PTPRN2: variants seen among roughly 807,000 people sequenced by gnomAD.
PTPRN2 encodes receptor-type tyrosine-protein phosphatase N2.
A neutral mutation model predicts 118.8 loss-of-function variants in PTPRN2; 74 were observed. The ratio of observed to expected loss-of-function variants is 0.62; its 90% CI spans 0.52 to 0.76. The LOEUF (loss-of-function observed/expected upper bound fraction) is 0.76, where lower values mean the gene tolerates loss of function less well. PTPRN2 is among the 30% of genes least tolerant of loss of function. The pLI is 0.00. For synonymous variants in PTPRN2, 641 were observed against 608.0 expected, an observed-to-expected ratio of 1.05 and a Z score of -0.80; for missense variants, 1,481 against 1,394.4, an observed-to-expected ratio of 1.06 and a Z score of -0.99.
chr7:157,722,774 G>C (rs1438456866), intron 12 of PTPRN2, among the ~76,000 whole-genome samples: 1 of 152,100 alleles, frequency 6.6e-6, no homozygotes, highest in East Asian at 1.9e-4. Flanking sequence ...CAGGGGCCCA[G>C]TCTGTCATCC....
At chr7:158,410,418 C>T (rs1263908631) in intron 2 of PTPRN2, among the ~76,000 whole-genome samples, 2 of 152,046 alleles carry the variant, frequency 1.3e-5, no homozygotes, top group Non-Finnish European at 2.9e-5. Context: ...ATCTCCTTCT[C>T]GTGGGATGAA....
chr7:158,125,288 G>A lies in PTPRN2; in HGVS notation c.1556+8389C>T, dbSNP rs370882969. Among the ~76,000 whole-genome samples the A allele has an allele frequency of 2.2e-4, 32 of 144,176 alleles. No homozygotes were observed. In the South Asian group the frequency reaches 5.6e-3, roughly 25 times the overall value. The allele number at this position is 144,176 out of a possible 152,430, so 94.6% of individuals were successfully genotyped here. ...CCTGCCTCAAGTCCCTCCCACGGCC[G>A]ACCCCCTGCCTCAAGTCCCTCCCAG... On this transcript the variant is annotated intron_variant, in intron 9 of 22. Coordinates refer to ENST00000389418, the MANE Select transcript of PTPRN2 (RefSeq NM_002847.5).
intron 12 of PTPRN2, among the ~76,000 whole-genome samples, chr7:157,715,218 C>T (rs988371131): frequency 6.6e-6 from 1 of 152,122 alleles, no homozygotes; most frequent in East Asian, 1.9e-4. Context: ...GGGCTGGAGG[C>T]GGGAGTCCAG....
At chr7:157,827,963 C>T (rs968945409) in intron 12 of PTPRN2, among the ~76,000 whole-genome samples, 2 of 152,204 alleles carry the variant, frequency 1.3e-5, no homozygotes, top group African/African-American at 4.8e-5. Context: ...CAGGTCTCCG[C>T]AAGGCAGCTG....
At chr7:158,338,110 A>G (rs1482624627) in intron 2 of PTPRN2, among the ~76,000 whole-genome samples, 1 of 5,448 alleles carries the variant, frequency 1.8e-4, no homozygotes, top group East Asian at 5.7e-3. Context: ...GCCCGCAGAC[A>G]TCACTCACAC....
intron 11 of PTPRN2, among the ~76,000 whole-genome samples, chr7:158,075,422 G>A (rs1812263982): frequency 6.6e-6 from 1 of 152,076 alleles, no homozygotes; most frequent in Admixed American, 6.5e-5. Context: ...GCAGGTGGGA[G>A]TTCTTGTTCC....
At chr7:158,564,783 C>T (rs538815111) in intron 1 of PTPRN2, among the ~76,000 whole-genome samples, 1 of 152,362 alleles carries the variant, frequency 6.6e-6, no homozygotes, top group African/African-American at 2.4e-5. Context: ...CAGCTCAGCA[C>T]GGCAGACCAC....
chr7:158,587,632 A>C lies in PTPRN2; in HGVS notation c.38T>G (p.Leu13Arg), dbSNP rs2129453444. Residue 13 changes from leucine (L) to arginine (R), a missense_variant, in exon 1 of 23, where the codon CTG becomes CGG. This residue lies in a region of PTPRN2 where 1,115 missense variants were observed against 994.2 expected (regional missense o/e 1.12). Transcript: ENST00000389418. ...PPLPLLLLLLLLLPPRVLPAA... is the reference protein window; with the variant it reads ...PPLPLLLLLLRLLPPRVLPAA... ...AGGCAGGACGCGTGGCGGCAGCAGC[A>C]GCAGTAGCAGCAGCAGCAGCGGGAG... 7.3e-7 allele frequency: 1 copy of C among 1,367,310 alleles called. No homozygotes were observed. The highest frequency in any genetic ancestry group is 1.7e-5 in the South Asian group (1 of 58,842). 84.7% of individuals were successfully genotyped at this position (1,367,310 alleles called of 1,614,324 possible).
At chr7:158,382,221 C>T (rs543523032) in intron 2 of PTPRN2, among the ~76,000 whole-genome samples, 5 of 152,236 alleles carry the variant, frequency 3.3e-5, no homozygotes, top group South Asian at 2.1e-4. Context: ...AACTCCCCTC[C>T]GTGAACAGCC....
rs1170808086 is a variant in PTPRN2 at position 157,646,980 on chromosome 7, T to C, written c.2196+9377A>G. On this transcript the variant is annotated intron_variant, in intron 14 of 22. Transcript: ENST00000389418. ...AACTCGGTGGGTTGGACCCATTCACTGTGCACTGAACTCGGTGGGTCGGAC... is the reference window on the plus strand; with the variant it reads ...AACTCGGTGGGTTGGACCCATTCACCGTGCACTGAACTCGGTGGGTCGGAC... Among the ~76,000 whole-genome samples the C allele has an allele frequency of 5.5e-3, 729 of 132,552 alleles. 12 individuals are homozygous for C. In the East Asian group the frequency reaches 0.09, roughly 16 times the overall value. The allele number at this position is 132,552 out of a possible 152,430, so 87.0% of individuals were successfully genotyped here. A position where few individuals can be genotyped will look rare whatever the true frequency, so the allele number is the denominator to read the frequency against.
At chr7:157,783,581 A>C (rs993356326) in intron 12 of PTPRN2, among the ~76,000 whole-genome samples, 1 of 150,666 alleles carries the variant, frequency 6.6e-6, no homozygotes, top group Non-Finnish European at 1.5e-5. Context: ...AGCGGAGTCC[A>C]TACTAAAGTT....
chr7:157,981,283 G>C (rs10949677), intron 11 of PTPRN2, among the ~76,000 whole-genome samples: 150,554 of 151,502 alleles, frequency 0.99, 74,807 homozygotes, highest in Middle Eastern at 1. Context: ...CATGGAGAAG[G>C]CTTCCATAGT....
intron 12 of PTPRN2, among the ~76,000 whole-genome samples, chr7:157,683,809 A>C (rs1382386036): frequency 1.3e-5 from 2 of 152,168 alleles, no homozygotes; most frequent in South Asian, 2.1e-4. Flanking sequence ...AGGACGCCAC[A>C]GGAAAATGGG....
In PTPRN2 at chr7:158,126,950, G is replaced by A. The variant is rs903906645; in HGVS notation, c.1556+6727C>T. The stretch of plus-strand genomic sequence containing the variant: ...ACATTCCAACTGAACCCCCACAGAG[G>A]TGAGCACGCAGCAGCCCCTAACGGT... On this transcript the variant is annotated intron_variant, in intron 9 of 22. Transcript: ENST00000389418. Among the ~76,000 whole-genome samples the A allele has an allele frequency of 2.0e-5, 3 of 152,206 alleles. No homozygotes were observed. In the East Asian group the frequency reaches 5.8e-4, roughly 29 times the overall value.
At chr7:158,086,495 C>T (rs78260560) in intron 10 of PTPRN2, among the ~76,000 whole-genome samples, 4,841 of 152,314 alleles carry the variant, frequency 0.032, 266 homozygotes, top group African/African-American at 0.11. Context: ...CTCATGTTTT[C>T]GGCCTCTGAG....
At chr7:158,217,228 C>T (rs147541973) in intron 3 of PTPRN2, among the ~76,000 whole-genome samples, 92 of 152,302 alleles carry the variant, frequency 6.0e-4, no homozygotes, top group African/African-American at 2.0e-3. Flanking sequence ...TCACCAGCAG[C>T]CTAGCTGCAC....
chr7:157,966,532 C>CA (rs1801944995), intron 11 of PTPRN2, among the ~76,000 whole-genome samples: 5 of 152,000 alleles, frequency 3.3e-5, no homozygotes, highest in African/African-American at 1.2e-4. Context: ...CCACCATCAT[C>CA]TTCATTATCA....
At chr7:158,187,373 ACC>A (rs1380873045) in intron 5 of PTPRN2, among the ~76,000 whole-genome samples, 8 of 152,356 alleles carry the variant, frequency 5.3e-5, no homozygotes, top group African/African-American at 1.9e-4. Flanking sequence ...AGTTGATTGT[ACC>A]TTCAAAGATC....
In PTPRN2 at chr7:158,546,632, C is replaced by A. The variant is rs1257314905; in HGVS notation, c.112+40926G>T. On this transcript the variant is annotated intron_variant, in intron 1 of 22. Transcript: ENST00000389418. The surrounding 1 kb of genome is among the most constrained non-coding windows in gnomAD (Gnocchi z 5.0). Reference sequence around the variant, plus strand: ...GACGTGGGAGGCCACGGGACAGACGCCACCTCTCCCGAGTAGCAGGTGGGT... The same window carrying A: ...GACGTGGGAGGCCACGGGACAGACGACACCTCTCCCGAGTAGCAGGTGGGT... 6.6e-6 allele frequency among the ~76,000 whole-genome samples: 1 copy of A among 152,162 alleles called. No homozygotes were observed. Among genetic ancestry groups the A allele is most frequent in the Admixed American group, 6.5e-5 (1 of 15,280 alleles).
Sources: allele counts gnomAD v4.1 joint callset (sites outside exome capture counted in the v4.1 genomes callset), GRCh38; gene constraint gnomAD v4.1.1; regional missense constraint gnomAD v4.1.1; non-coding constraint Gnocchi (gnomAD v3.1); transcripts MANE v1.5; gene names NCBI Gene and HGNC (gene_info 2026-07-23, HGNC 2026-07-21).